Variants in TNIK observed in about 807,000 individuals in gnomAD.
TNIK encodes TRAF2 and NCK-interacting protein kinase.
In TNIK, 49 loss-of-function variants were observed where a neutral mutation model predicts 191.3. The ratio of observed to expected loss-of-function variants is 0.26; its 90% confidence interval spans 0.20 to 0.32. The LOEUF (loss-of-function observed/expected upper bound fraction) is 0.32, where lower values mean the gene tolerates loss of function less well. Ranked by LOEUF, TNIK falls within the 10% of genes least tolerant of loss-of-function variation. TNIK has a pLI of 1.00. For synonymous variants in TNIK, 594 were observed against 600.9 expected (o/e 0.99, Z 0.17); for missense variants, 1,155 against 1,702.3 (o/e 0.68, Z 5.66).
In TNIK at chr3:171,060,731, T is replaced by C. The variant is rs1717737447; in HGVS notation, c.*3150A>G. ...TCATTATTTGAAGGAACTTCACTGG[T>C]CATCCATTCCTACCACCACTGGATG... On this transcript the variant is annotated 3_prime_UTR_variant, in exon 33 of 33. Transcript: ENST00000436636. Among the ~76,000 whole-genome samples the C allele has an allele frequency of 6.6e-6, 1 of 152,124 alleles. No homozygotes were observed. Among genetic ancestry groups the C allele is most frequent in the Non-Finnish European group, 1.5e-5 (1 of 68,012 alleles).
At chr3:171,459,927 C>CCCCACCCCCCACTCCACCCA in intron 1 of TNIK, 80 bp downstream of exon 1, 1 of 1,414,378 alleles carries the variant, frequency 7.1e-7, no homozygotes, top group Non-Finnish European at 9.7e-7. Flanking sequence ...CCTGCCCCAG[C>CCCCACCCCCCACTCCACCCA]CCCAGCCCCC....
chr3:171,412,151 G>T (rs911527858), intron 1 of TNIK, among the ~76,000 whole-genome samples: 2 of 152,108 alleles, frequency 1.3e-5, no homozygotes, highest in African/African-American at 4.8e-5. Context: ...GAGGCAGTTC[G>T]TCCCTGTTCA....
intron 1 of TNIK, among the ~76,000 whole-genome samples, chr3:171,378,518 C>T (rs1717576214): frequency 6.6e-6 from 1 of 152,264 alleles, no homozygotes; most frequent in Non-Finnish European, 1.5e-5. Context: ...AAATTCTTTA[C>T]TCAAGAAAGA....
chr3:171,079,801 T>C, intron 27 of TNIK, 149 bp from the exon 28 acceptor site: 1 of 989,410 alleles, frequency 1.0e-6, no homozygotes. Flanking sequence ...CACTTTGTCA[T>C]TAAAATGGTG....
chr3:171,444,500 AG>A (rs1386825986), intron 1 of TNIK, among the ~76,000 whole-genome samples: 1 of 151,964 alleles, frequency 6.6e-6, no homozygotes, highest in Non-Finnish European at 1.5e-5. Flanking sequence ...AGGGAAAAAC[AG>A]GAAATCGACA....
At chr3:171,402,807 ATAAAT>A (rs1721123190) in intron 1 of TNIK, among the ~76,000 whole-genome samples, 3 of 152,234 alleles carry the variant, frequency 2.0e-5, no homozygotes, top group Admixed American at 2.0e-4. Flanking sequence ...TCCAGCTCAA[ATAAAT>A]TAATGTTCCC....
At chr3:171,241,074 A>C (rs1744921205) in intron 2 of TNIK, among the ~76,000 whole-genome samples, 1 of 145,486 alleles carries the variant, frequency 6.9e-6, no homozygotes, top group African/African-American at 2.6e-5. Context: ...CTTGTTGCCC[A>C]GTTTGGAGTG....
chr3:171,065,830 GAA>G (rs934292116), intron 32 of TNIK, among the ~76,000 whole-genome samples: 1 of 152,214 alleles, frequency 6.6e-6, no homozygotes, highest in African/African-American at 2.4e-5. Context: ...GTGACTTTGT[GAA>G]AAGTCTAAAA....
intron 1 of TNIK, among the ~76,000 whole-genome samples, chr3:171,453,026 A>C (rs80307379): frequency 0.034 from 5,170 of 152,270 alleles, 335 homozygotes; most frequent in African/African-American, 0.12. Flanking sequence ...ATGATCCCTG[A>C]AATTGTGCCA....
chr3:171,411,024 T>C (rs1407575568), intron 1 of TNIK, among the ~76,000 whole-genome samples: 1 of 151,952 alleles, frequency 6.6e-6, no homozygotes, highest in East Asian at 1.9e-4. Flanking sequence ...TGGATCAGAT[T>C]TGTGCACATG....
intron 12 of TNIK, among the ~76,000 whole-genome samples, chr3:171,143,832 C>G (rs1427777275): frequency 2.0e-5 from 3 of 152,158 alleles, no homozygotes; most frequent in Admixed American, 1.3e-4. Context: ...TCTTTGATGC[C>G]CTTCTTAAGT....
chr3:171,460,253 G>A lies in TNIK; in HGVS notation c.-190C>T. 2.9e-6 allele frequency: 2 copies of A among 696,824 alleles called. No homozygotes were observed. The highest frequency in any genetic ancestry group is 1.8e-5 in the South Asian group (1 of 55,480). 43.2% of individuals were successfully genotyped at this position (696,824 alleles called of 1,614,324 possible). A position where few individuals can be genotyped will look rare whatever the true frequency, so the allele number is the denominator to read the frequency against. ...CTCCGCGCGTCGGTCCGCCGGGTCC[G>A]GGAGCCCAGCCTGCGCGGATCTCCA... On this transcript the variant is annotated 5_prime_UTR_variant, in exon 1 of 33. Transcript: ENST00000436636. This position sits in a 1 kb window ranked among gnomAD's most constrained non-coding sequence, Gnocchi z 6.8.
intron 12 of TNIK, among the ~76,000 whole-genome samples, chr3:171,146,172 T>C (rs1452835680): frequency 6.6e-6 from 1 of 152,204 alleles, no homozygotes; most frequent in Non-Finnish European, 1.5e-5. Context: ...CTGGATGCCA[T>C]GTTGTGCAGG....
In TNIK at chr3:171,071,563, C is replaced by A. The variant is rs140522720; in HGVS notation, c.3449-240G>T. ...CTTTATATTGAAGACTTTTCATCAT[C>A]CAGAGATATAACTGCTTAGGACTGT... On this transcript the variant is annotated intron_variant, in intron 28 of 32. Transcript: ENST00000436636. Among the ~76,000 whole-genome samples the A allele has an allele frequency of 2.2e-3, 341 of 152,146 alleles. 2 individuals carry two copies. Among genetic ancestry groups the A allele is most frequent in the African/African-American group, 7.7e-3 (320 of 41,524 alleles).
rs1728464664 is a variant in TNIK at position 171,126,251 on chromosome 3, C to T, written c.1774-100G>A. On this transcript the variant is annotated intron_variant, in intron 16 of 32. Coordinates refer to ENST00000436636, the MANE Select transcript of TNIK (RefSeq NM_015028.4). The stretch of plus-strand genomic sequence containing the variant: ...GGAAAAAAAAAAAAAAGTTCAAGGG[C>T]ACAAAAATTGGACTATAGAGAGTCT... The T allele has an allele frequency of 2.2e-5, 30 of 1,379,498 alleles. 1 individual carries two copies. Among genetic ancestry groups the T allele is most frequent in the Non-Finnish European group, 2.8e-5 (30 of 1,057,842 alleles). 85.5% of individuals were successfully genotyped at this position (1,379,498 alleles called of 1,614,324 possible).
chr3:171,261,353 C>T (rs990312517), intron 2 of TNIK, among the ~76,000 whole-genome samples: 2 of 152,158 alleles, frequency 1.3e-5, no homozygotes, highest in Non-Finnish European at 2.9e-5. Flanking sequence ...CTTGATATTT[C>T]TCCCCAAGCA....
chr3:171,340,991 A>G (rs1391421206), intron 2 of TNIK, among the ~76,000 whole-genome samples: 1 of 152,192 alleles, frequency 6.6e-6, no homozygotes, highest in African/African-American at 2.4e-5. Flanking sequence ...GAAGAGAGCT[A>G]TTGGAGAGGT....
At chr3:171,249,671 C>T (rs1746009396) in intron 2 of TNIK, among the ~76,000 whole-genome samples, 1 of 152,144 alleles carries the variant, frequency 6.6e-6, no homozygotes, top group African/African-American at 2.4e-5. Flanking sequence ...AATTTGCTGC[C>T]TATGATATTA....
intron 2 of TNIK, among the ~76,000 whole-genome samples, chr3:171,293,638 C>A (rs1300576964): frequency 2.0e-5 from 3 of 152,142 alleles, no homozygotes; most frequent in Non-Finnish European, 4.4e-5. Context: ...CAGGAAATAG[C>A]ATCTAGCTAG....
Sources: gnomAD v4.1 joint callset for allele counts (sites outside exome capture counted in the v4.1 genomes callset) on GRCh38, gnomAD v4.1.1 for gene constraint, Gnocchi (gnomAD v3.1) non-coding constraint, MANE v1.5 for transcripts, NCBI Gene and HGNC (gene_info 2026-07-23, HGNC 2026-07-21) for gene names.